Variants in USH2A observed in about 807,000 individuals in gnomAD.
The protein encoded by USH2A is usherin.
Under a neutral mutation model 538.9 loss-of-function variants are expected in USH2A, and 443 were observed. The ratio of observed to expected loss-of-function variants is 0.82; its 90% CI spans 0.76 to 0.89. USH2A has a LOEUF of 0.89. Ranked by LOEUF, USH2A falls within the 40% of genes least tolerant of loss-of-function variation. The pLI, the probability that USH2A is intolerant of heterozygous loss-of-function variation, is 0.00. For synonymous variants in USH2A, 2,413 were observed against 2,273.5 expected (o/e 1.06, Z -1.75); for missense variants, 6,633 against 6,324.8 (o/e 1.05, Z -1.65).
In USH2A at chr1:216,292,312, T is replaced by C. The variant is rs1275811314; in HGVS notation, c.1703A>G (p.Tyr568Cys). The change falls in exon 10 of 72, where the codon TAC becomes TGC. Residue 568 changes from tyrosine (Y) to cysteine (C), a missense_variant. By Grantham distance (194) the Tyr-to-Cys change is radical. Coordinates refer to ENST00000307340, the MANE Select transcript of USH2A (RefSeq NM_206933.4). ...DKPFRQGDQV[Y>C]AFNCKPCQCN... ...TTGACAAGGTTTACAATTGAAAGCG[T>C]AAACTTGATCACCTTGGCGGAAAGG... 4 of 1,613,958 alleles carry C rather than the reference T, an allele frequency of 2.5e-6. No homozygotes were observed. The African/African-American group carries it at 4.0e-5, about 16-fold the overall frequency.
intron 60 of USH2A, among the ~76,000 whole-genome samples, chr1:215,734,143 C>T (rs1660084716): frequency 6.6e-6 from 1 of 152,218 alleles, no homozygotes; most frequent in African/African-American, 2.4e-5. Context: ...GCTGCCAAGC[C>T]TCCTTCATGC....
At chr1:216,082,335 A>C (rs560599217) in intron 26 of USH2A, among the ~76,000 whole-genome samples, 2 of 152,288 alleles carry the variant, frequency 1.3e-5, no homozygotes, top group South Asian at 4.1e-4. Flanking sequence ...GTTTCAGAGA[A>C]AGAAGCCAAC....
intron 21 of USH2A, among the ~76,000 whole-genome samples, chr1:216,150,608 C>G (rs965247061): frequency 6.6e-6 from 1 of 152,198 alleles, no homozygotes; most frequent in African/African-American, 2.4e-5. Flanking sequence ...CACCTTTACC[C>G]TCCTGAAGAA....
chr1:215,880,901 T>A (rs952493437), intron 41 of USH2A, among the ~76,000 whole-genome samples: 1 of 152,158 alleles, frequency 6.6e-6, no homozygotes, highest in Non-Finnish European at 1.5e-5. Flanking sequence ...GTCTAACATT[T>A]AAGTCTTTAA....
In USH2A at chr1:215,756,749, C is replaced by T. The variant is rs190829950; in HGVS notation, c.11389+1846G>A. 1.6e-3 allele frequency among the ~76,000 whole-genome samples: 246 copies of T among 152,064 alleles called. 1 individual carries two copies. The East Asian group carries it at 0.036, about 22-fold the overall frequency. On this transcript the variant is annotated intron_variant, in intron 58 of 71. Transcript: ENST00000307340. The stretch of plus-strand genomic sequence containing the variant: ...GACGAGCCTGGCCAGCATGGTGAAG[C>T]CCCATTTCTACTAAAAATACAAAAA...
At position 216,324,305 on chromosome 1, in the gene USH2A, T is replaced by C. The variant is rs759755145; in HGVS notation, c.1191A>G (p.Ile397Met). 5 of 1,612,930 alleles carry C rather than the reference T, an allele frequency of 3.1e-6. No homozygotes were observed. The highest frequency in any genetic ancestry group is 4.2e-6 in the Non-Finnish European group (5 of 1,179,486). Residue 397 changes from isoleucine (I) to methionine (M), a missense_variant, in exon 7 of 72, where the codon ATA becomes ATG. Ile to Met is a conservative substitution (Grantham distance 10, BLOSUM62 1). Transcript: ENST00000307340. ...IQFFSPQPTE[I>M]RIQRKKENSL... ...TATTTTCCTTCTTCCTTTGAATCCT[T>C]ATTTCCGTTGGTTGTGGACTAAAGA...
intron 34 of USH2A, among the ~76,000 whole-genome samples, chr1:215,996,092 G>A (rs11804471): frequency 0.036 from 5,548 of 152,218 alleles, 327 homozygotes; most frequent in African/African-American, 0.13. Context: ...TGTATTTTAA[G>A]TAGAGATGGG....
chr1:216,141,560 A>T (rs1238753356), intron 21 of USH2A, among the ~76,000 whole-genome samples: 1 of 152,166 alleles, frequency 6.6e-6, no homozygotes, highest in East Asian at 1.9e-4. Flanking sequence ...CAACCAACCA[A>T]TGGGTCTTTC....
At chr1:216,300,408 A>G (rs939477802) in intron 9 of USH2A, among the ~76,000 whole-genome samples, 1 of 152,188 alleles carries the variant, frequency 6.6e-6, no homozygotes, top group East Asian at 1.9e-4. Flanking sequence ...TGGCTATATC[A>G]GGGTCAAGGA....
At chr1:216,155,714 C>T (rs894454891) in intron 21 of USH2A, among the ~76,000 whole-genome samples, 1 of 152,164 alleles carries the variant, frequency 6.6e-6, no homozygotes, top group African/African-American at 2.4e-5. Context: ...TGCAATGCTG[C>T]AGTCTCGGTT....
chr1:215,937,764 T>C (rs1037568849), intron 37 of USH2A, among the ~76,000 whole-genome samples: 1 of 152,156 alleles, frequency 6.6e-6, no homozygotes, highest in Non-Finnish European at 1.5e-5. Context: ...AAAGCAACAA[T>C]GGAAATTCTA....
rs769290986 is a variant in USH2A, at chr1:216,247,124, T to A, written c.2270A>T (p.Lys757Ile). 6.8e-6 allele frequency: 11 copies of A among 1,614,076 alleles called. No homozygotes were observed. The highest frequency in any genetic ancestry group is 9.3e-6 in the Non-Finnish European group (11 of 1,179,946). ...CTGCCCAGAGTGAGGATTGCAGAATTTGTTCACTGAGCCATGGAGGTTACA... is the reference window on the plus strand; with the variant it reads ...CTGCCCAGAGTGAGGATTGCAGAATATGTTCACTGAGCCATGGAGGTTACA... ...CQCNLHGSVN[K>I]FCNPHSGQCE... The change falls in exon 13 of 72, where the codon AAA becomes ATA. Residue 757 changes from lysine to isoleucine, a missense_variant. Transcript: ENST00000307340.
intron 4 of USH2A, among the ~76,000 whole-genome samples, chr1:216,339,401 T>C (rs2038033178): frequency 6.6e-6 from 1 of 151,716 alleles, no homozygotes; most frequent in Non-Finnish European, 1.5e-5. Context: ...TTTTAATCTA[T>C]AAGAATGGCA....
At chr1:216,217,960 G>A (rs1360369431) in intron 14 of USH2A, among the ~76,000 whole-genome samples, 5 of 152,142 alleles carry the variant, frequency 3.3e-5, no homozygotes, top group African/African-American at 1.2e-4. Flanking sequence ...ATCTTTTCAA[G>A]TGACTCTCCA....
intron 61 of USH2A, among the ~76,000 whole-genome samples, chr1:215,722,282 G>A (rs1202412566): frequency 2.6e-5 from 4 of 152,088 alleles, no homozygotes; most frequent in African/African-American, 9.7e-5. Context: ...CACCAAAGGA[G>A]TCCTTTTAGA....
chr1:215,700,924 T>C (rs1658992808), intron 61 of USH2A, among the ~76,000 whole-genome samples: 1 of 152,204 alleles, frequency 6.6e-6, no homozygotes, highest in South Asian at 2.1e-4. Flanking sequence ...AGATCTTTCC[T>C]GCTTTCTCTT....
At chr1:215,746,189 G>A (rs2102730567) in intron 58 of USH2A, among the ~76,000 whole-genome samples, 1 of 152,186 alleles carries the variant, frequency 6.6e-6, no homozygotes, top group Non-Finnish European at 1.5e-5. Flanking sequence ...TGGGTACTCT[G>A]GATTTTTCCC....
chr1:215,648,440 G>T, intron 66 of USH2A, 88 bp downstream of exon 66: 1 of 1,392,666 alleles, frequency 7.2e-7, no homozygotes. Context: ...CAGGTTTGTA[G>T]CCTAGGTGCA....
At chr1:216,005,857 G>A (rs1487700835) in intron 32 of USH2A, among the ~76,000 whole-genome samples, 1 of 152,152 alleles carries the variant, frequency 6.6e-6, no homozygotes, top group Admixed American at 6.5e-5. Context: ...AGTGCATATA[G>A]AGGATTTAAT....
Sources: allele counts gnomAD v4.1 joint callset (sites outside exome capture counted in the v4.1 genomes callset), GRCh38; gene constraint gnomAD v4.1.1; transcripts MANE v1.5; gene names NCBI Gene and HGNC (gene_info 2026-07-23, HGNC 2026-07-21).